The following SEC31A variants were observed in gnomAD, a reference collection of about 807,000 sequenced individuals.
SEC31A encodes the protein protein transport protein Sec31A.
In SEC31A, 70 loss-of-function variants were observed where a neutral mutation model predicts 151.0. That is an observed-to-expected ratio of 0.46 (90% CI 0.38 to 0.57). The LOEUF (loss-of-function observed/expected upper bound fraction) is 0.57. Ranked by LOEUF, SEC31A falls within the 20% of genes least tolerant of loss-of-function variation. The pLI, the probability that SEC31A is intolerant of heterozygous loss-of-function variation, is 0.00. For synonymous variants in SEC31A, 475 were observed against 505.9 expected (o/e 0.94, Z 0.82); for missense variants, 1,330 against 1,471.2 (o/e 0.90, Z 1.57).
chr4:82,845,366 A>C, intron 20 of SEC31A: 1 of 867,506 alleles, frequency 1.2e-6, no homozygotes, highest in Non-Finnish European at 1.6e-6. Context: ...AAAACCCCAA[A>C]AGGTATTAAT....
rs1261933125 is a variant in SEC31A at position 82,888,369 on chromosome 4, A to AG, written c.-5+2718_-5+2719insC. Among the ~76,000 whole-genome samples the AG allele has an allele frequency of 8.1e-3, 48 of 5,922 alleles. 1 individual carries two copies. Among genetic ancestry groups the AG allele is most frequent in the African/African-American group, 0.04 (44 of 1,102 alleles). The allele number at this position is 5,922 out of a possible 152,430, so 3.9% of individuals were successfully genotyped here. ...CCGTCTCAAAAAAAAAAAAAAAAAA[A>AG]AAAACACACAAAAAACATATATATA... is the stretch of plus-strand genomic sequence containing the variant. On this transcript the variant is annotated intron_variant, in intron 1 of 26. Coordinates refer to ENST00000395310, the MANE Select transcript of SEC31A (RefSeq NM_001077207.4).
rs148732456 is a variant in SEC31A at position 82,838,742 on chromosome 4, G to A, written c.2968+3398C>T. Among the ~76,000 whole-genome samples, 393 of 152,292 alleles carry A rather than the reference G, an allele frequency of 2.6e-3. 7 individuals carry two copies. Among genetic ancestry groups the A allele is most frequent in the South Asian group, 0.019 (91 of 4,830 alleles). On this transcript the variant is annotated intron_variant, in intron 22 of 26. Transcript: ENST00000395310. ...GGTCTTTTCTGCCTCCATTATCTCT[G>A]TCTGGGATAATTCTGATTGTAGACC...
At position 82,819,023 on chromosome 4, in the gene SEC31A, A is replaced by G. The variant is rs1560573333; in HGVS notation, c.*51T>C. 1.3e-6 allele frequency: 2 copies of G among 1,497,662 alleles called. No homozygotes were observed. The highest frequency in any genetic ancestry group is 2.8e-5 in the African/African-American group (2 of 71,048). The allele number at this position is 1,497,662 out of a possible 1,614,324, so 92.8% of individuals were successfully genotyped here. On this transcript the variant is annotated 3_prime_UTR_variant, in exon 27 of 27. Coordinates refer to ENST00000395310, the MANE Select transcript of SEC31A (RefSeq NM_001077207.4). ...CCATGTCTTATAATTTTTTTTTTTA[A>G]CATGTTTCTTTGGAAAAATGGCAAT...
chr4:82,884,901 G>A (rs886747065), intron 1 of SEC31A, among the ~76,000 whole-genome samples: 1 of 152,170 alleles, frequency 6.6e-6, no homozygotes, highest in Non-Finnish European at 1.5e-5. Context: ...GACCGAAACA[G>A]TGAATTAAGT....
Position 82,853,564 on chromosome 4 carries a change from T to A in SEC31A, c.2154+6A>T. 1.9e-6 allele frequency: 3 copies of A among 1,555,520 alleles called. No homozygotes were observed. The highest frequency in any genetic ancestry group is 2.6e-6 in the Non-Finnish European group (3 of 1,162,332). ...AATTAAGTGCCTTTTGTTTCAAAGA[T>A]ACTACCTGAAGTGACAAAGGGTGGC... On this transcript the variant is annotated splice_donor_region_variant and intron_variant, in intron 18 of 26. Transcript: ENST00000395310.
chr4:82,883,581 G>T (rs1465517244), intron 1 of SEC31A, among the ~76,000 whole-genome samples: 1 of 152,130 alleles, frequency 6.6e-6, no homozygotes, highest in Non-Finnish European at 1.5e-5. Context: ...TGTAAGCCCA[G>T]CACTTTAGGA....
chr4:82,881,151 T>C (rs757623466), intron 2 of SEC31A, among the ~76,000 whole-genome samples: 2 of 152,128 alleles, frequency 1.3e-5, no homozygotes, highest in Non-Finnish European at 2.9e-5. Context: ...TGTATATATT[T>C]AAAAATCTCT....
At position 82,857,743 on chromosome 4, in the gene SEC31A, C is replaced by T; in HGVS notation, c.1648G>A (p.Glu550Lys). 6.3e-7 allele frequency: 1 copy of T among 1,599,650 alleles called. No individual in the cohort carries two copies. Among genetic ancestry groups the T allele is most frequent in the Non-Finnish European group, 8.6e-7 (1 of 1,167,484 alleles). ...LGEHIKEEKEESEFLPSSGGT... is the reference protein window; with the variant it reads ...LGEHIKEEKEKSEFLPSSGGT... ...CCAGATGAGGGTAGAAATTCAGATT[C>T]TTCTTTTTCCTCTTTAATGTGCTAA... Residue 550 changes from glutamate (E) to lysine (K), a missense_variant, in exon 15 of 27, where the codon GAA becomes AAA. Glu to Lys is a moderately conservative substitution (Grantham distance 56). Coordinates refer to ENST00000395310, the MANE Select transcript of SEC31A (RefSeq NM_001077207.4).
intron 22 of SEC31A, chr4:82,830,892 C>T (rs1220629164): frequency 1.1e-6 from 1 of 936,586 alleles, no homozygotes; most frequent in East Asian, 6.8e-5. Context: ...TAATTGTATT[C>T]AATTATTCAA....
At chr4:82,855,289 G>A (rs1249189390) in intron 16 of SEC31A, among the ~76,000 whole-genome samples, 1 of 152,216 alleles carries the variant, frequency 6.6e-6, no homozygotes, top group Non-Finnish European at 1.5e-5. Context: ...AGAAAGGTGT[G>A]ACCTGGTCAG....
intron 1 of SEC31A, among the ~76,000 whole-genome samples, chr4:82,890,191 G>C (rs1428172691): frequency 8.8e-6 from 1 of 114,272 alleles, no homozygotes. Flanking sequence ...GACAGAGCGA[G>C]ACTCCGTCTC....
intron 22 of SEC31A, among the ~76,000 whole-genome samples, chr4:82,838,074 A>T (rs566687608): frequency 6.6e-6 from 1 of 152,326 alleles, no homozygotes; most frequent in South Asian, 2.1e-4. Flanking sequence ...TGAATCCTTG[A>T]AGTCATTTTC....
At chr4:82,873,313 G>A (rs1376012960) in intron 6 of SEC31A, among the ~76,000 whole-genome samples, 12 of 149,462 alleles carry the variant, frequency 8.0e-5, no homozygotes, top group African/African-American at 2.5e-4. Context: ...CCATGATTGC[G>A]CCCCTACACT....
At chr4:82,882,051 T>C in intron 1 of SEC31A, 111 bp from the exon 2 acceptor site, 1 of 772,360 alleles carries the variant, frequency 1.3e-6, no homozygotes, top group Non-Finnish European at 2.2e-6. Flanking sequence ...ACATTAGTAA[T>C]GCCCAACTGC....
chr4:82,856,806 C>A, intron 16 of SEC31A, 146 bp downstream of exon 16: 1 of 678,920 alleles, frequency 1.5e-6, no homozygotes, highest in Non-Finnish European at 2.4e-6. Context: ...GCCAAAATGC[C>A]AACAACTATT....
At chr4:82,838,820 T>G (rs990668997) in intron 22 of SEC31A, among the ~76,000 whole-genome samples, 5 of 152,218 alleles carry the variant, frequency 3.3e-5, no homozygotes, top group Non-Finnish European at 5.9e-5. Flanking sequence ...GATTGCAACA[T>G]TAGTTTCTCT....
Position 82,819,096 on chromosome 4 carries a change from T to C in SEC31A, c.3641A>G (p.Gln1214Arg). Residue 1214 changes from glutamine to arginine, a missense_variant, in exon 27 of 27, where the codon CAG (glutamine) becomes CGG (arginine). By Grantham distance (43) the Gln-to-Arg change is conservative. Coordinates refer to ENST00000395310, the MANE Select transcript of SEC31A (RefSeq NM_001077207.4). ...CTTTTAGACACCCAGCTTATTGGCC[T>C]GGGTGAGAACAACTTTGAGAACTGG... Reference protein sequence around the residue: ...FMPVLKVVLTQANKLGV With the variant: ...FMPVLKVVLTRANKLGV The C allele has an allele frequency of 6.2e-7, 1 of 1,609,114 alleles. No individual in the cohort carries two copies. The highest frequency in any genetic ancestry group is 8.5e-7 in the Non-Finnish European group (1 of 1,178,054).
In SEC31A at chr4:82,861,614, G is replaced by GAA; in HGVS notation, c.1626+15_1626+16dup. On this transcript the variant is annotated intron_variant, in intron 14 of 26. Coordinates refer to ENST00000395310, the MANE Select transcript of SEC31A (RefSeq NM_001077207.4). ...ATCACAAATTTGTCCAATATAATAT[G>GAA]AAAAAAAAATAAGTACCTCTCCCAA... is the stretch of plus-strand genomic sequence containing the variant. The GAA allele has an allele frequency of 6.6e-7, 1 of 1,520,622 alleles. No individual in the cohort carries two copies. The highest frequency in any genetic ancestry group is 1.2e-5 in the South Asian group (1 of 84,308). The allele number at this position is 1,520,622 out of a possible 1,614,324, so 94.2% of individuals were successfully genotyped here.
upstream of SEC31A, chr4:82,891,206 GGCAGCC>G (rs1338657470): frequency 3.9e-6 from 6 of 1,527,786 alleles, no homozygotes; most frequent in South Asian, 4.8e-5. Flanking sequence ...GTTCCAACGT[GGCAGCC>G]GCAGCCGCAG....
Sources: allele counts gnomAD v4.1 joint callset (sites outside exome capture counted in the v4.1 genomes callset), GRCh38; gene constraint gnomAD v4.1.1; transcripts MANE v1.5; gene names NCBI Gene and HGNC (gene_info 2026-07-23, HGNC 2026-07-21).